CNTF: variants seen among roughly 807,000 people sequenced by gnomAD.
The protein encoded by CNTF is Ciliary Neuronotrophic Factor.
In CNTF, 14 loss-of-function variants were observed where a neutral mutation model predicts 13.0. That is an observed-to-expected ratio of 1.07 (90% CI 0.71 to 1.68). CNTF has a LOEUF of 1.68. Ranked by LOEUF, CNTF falls within the 40% of genes most tolerant of loss-of-function variation. The pLI is 0.00. For synonymous variants in CNTF, 98 were observed against 92.4 expected (o/e 1.06, Z -0.35); for missense variants, 283 against 252.5 (o/e 1.12, Z -0.82).
chr11:58,622,808 G>T lies in CNTF; in HGVS notation c.56G>T (p.Arg19Leu), dbSNP rs149242903. The stretch of plus-strand genomic sequence containing the variant: ...CCTCACCGTCGGGACCTCTGTAGCC[G>T]CTCTATCTGGCTAGCAAGGAAGATT... Reference protein sequence around the residue: ...LTPHRRDLCSRSIWLARKIRS... With the variant: ...LTPHRRDLCSLSIWLARKIRS... Residue 19 changes from arginine (R) to leucine (L), a missense_variant, in exon 1 of 2, where the codon CGC becomes CTC. Coordinates refer to ENST00000361987, the MANE Select transcript of CNTF (RefSeq NM_000614.4). The T allele has an allele frequency of 1.3e-5, 21 of 1,613,838 alleles. No individual in the cohort carries two copies. The African/African-American group carries it at 1.5e-4, about 11-fold the overall frequency.
chr11:58,624,138 C>A lies in CNTF; in HGVS notation c.219C>A (p.Leu73=), dbSNP rs141610986. The change falls in exon 2 of 2, where the codon CTC becomes CTA. Residue 73 remains leucine, a synonymous_variant. Coordinates refer to ENST00000361987, the MANE Select transcript of CNTF (RefSeq NM_000614.4). ...GTGAGCTGACCGAGGCAGAGCGACTCCAAGAGAACCTTCAAGCTTATCGTA... is the reference window on the plus strand; with the variant it reads ...GTGAGCTGACCGAGGCAGAGCGACTACAAGAGAACCTTCAAGCTTATCGTA... ...QWSELTEAER[L]QENLQAYRTF... The A allele has an allele frequency of 3.7e-5, 59 of 1,613,576 alleles. 1 individual carries two copies. In the Middle Eastern group the frequency reaches 4.9e-4, roughly 13 times the overall value.
intron 1 of CNTF, 116 bp from the exon 2 acceptor site, chr11:58,623,918 T>C: frequency 2.1e-6 from 3 of 1,413,132 alleles, no homozygotes; most frequent in Middle Eastern, 2.6e-4. Flanking sequence ...TTATTTACTT[T>C]ACAACTTGGA....
chr11:58,624,152 A>T lies in CNTF; in HGVS notation c.233A>T (p.Gln78Leu), dbSNP rs780938404. Residue 78 changes from glutamine (Q) to leucine (L), a missense_variant, in exon 2 of 2, where the codon CAA becomes CTA. By Grantham distance (113) the Gln-to-Leu change is moderately radical. Coordinates refer to ENST00000361987, the MANE Select transcript of CNTF (RefSeq NM_000614.4). ...TEAERLQENL[Q>L]AYRTFHVLLA... The stretch of plus-strand genomic sequence containing the variant: ...GCAGAGCGACTCCAAGAGAACCTTC[A>T]AGCTTATCGTACCTTCCATGTTTTG... 30 of 1,613,888 alleles carry T rather than the reference A, an allele frequency of 1.9e-5. No individual in the cohort carries two copies. Among genetic ancestry groups the T allele is most frequent in the Non-Finnish European group, 2.5e-5 (30 of 1,179,972 alleles).
chr11:58,624,236 A>G lies in CNTF; in HGVS notation c.317A>G (p.His106Arg). The change falls in exon 2 of 2, where the codon CAT becomes CGT. Residue 106 changes from histidine to arginine, a missense_variant. By Grantham distance (29) the His-to-Arg change is conservative (BLOSUM62 0). Transcript: ENST00000361987. ...TTTACCCCAACCGAAGGTGACTTCC[A>G]TCAAGCTATACATACCCTTCTTCTC... is the stretch of plus-strand genomic sequence containing the variant. Reference protein sequence around the residue: ...VHFTPTEGDFHQAIHTLLLQV... With the variant: ...VHFTPTEGDFRQAIHTLLLQV... The G allele has an allele frequency of 1.9e-6, 3 of 1,614,034 alleles. No homozygotes were observed. The highest frequency in any genetic ancestry group is 2.5e-6 in the Non-Finnish European group (3 of 1,179,978).
rs765417661 is a variant in CNTF, at chr11:58,624,387, G to A, written c.468G>A (p.Leu156=). 6.2e-7 allele frequency: 1 copy of A among 1,614,064 alleles called. No individual in the cohort carries two copies. Among genetic ancestry groups the A allele is most frequent in the Non-Finnish European group, 8.5e-7 (1 of 1,179,996 alleles). Reference sequence around the variant, plus strand: ...ATGGTGGTCTCTTTGAGAAGAAGCTGTGGGGCCTAAAGGTGCTGCAGGAGC... The same window carrying A: ...ATGGTGGTCTCTTTGAGAAGAAGCTATGGGGCCTAAAGGTGCTGCAGGAGC... The part of the protein sequence containing the change: ...VGDGGLFEKK[L]WGLKVLQELS... The change falls in exon 2 of 2, where the codon CTG becomes CTA. Residue 156 remains leucine (L), a synonymous_variant. Coordinates refer to ENST00000361987, the MANE Select transcript of CNTF (RefSeq NM_000614.4).
Position 58,624,641 on chromosome 11 carries a change from C to A in CNTF, c.*119C>A, listed in dbSNP as rs1347345611. ...AGTTAAGACAACAGGCATTTTCTTTCTTTTTTCTCTGACCACCTGCAGCCT... is the reference window on the plus strand; with the variant it reads ...AGTTAAGACAACAGGCATTTTCTTTATTTTTTCTCTGACCACCTGCAGCCT... On this transcript the variant is annotated 3_prime_UTR_variant, in exon 2 of 2. Transcript: ENST00000361987. 5.6e-6 allele frequency: 7 copies of A among 1,259,560 alleles called. No homozygotes were observed. The highest frequency in any genetic ancestry group is 2.0e-5 in the Admixed American group (1 of 51,228). 78.0% of individuals were successfully genotyped at this position (1,259,560 alleles called of 1,614,324 possible).
At position 58,624,124 on chromosome 11, in the gene CNTF, G is replaced by A. The variant is rs771067047; in HGVS notation, c.205G>A (p.Glu69Lys). The change falls in exon 2 of 2, where the codon GAG becomes AAG. Residue 69 changes from glutamate (E) to lysine (K), a missense_variant. Physicochemically the swap from Glu to Lys is moderately conservative, Grantham distance 56. Coordinates refer to ENST00000361987, the MANE Select transcript of CNTF (RefSeq NM_000614.4). ...ASTDQWSELT[E>K]AERLQENLQA... The stretch of plus-strand genomic sequence containing the variant: ...CACTGATCAGTGGAGTGAGCTGACC[G>A]AGGCAGAGCGACTCCAAGAGAACCT... 60 of 1,613,076 alleles carry A rather than the reference G, an allele frequency of 3.7e-5. No individual in the cohort carries two copies. Among genetic ancestry groups the A allele is most frequent in the East Asian group, 8.9e-5 (4 of 44,890 alleles).
intron 1 of CNTF, 112 bp from the exon 2 acceptor site, chr11:58,623,922 A>T: frequency 7.0e-7 from 1 of 1,434,562 alleles, no homozygotes; most frequent in Non-Finnish European, 9.4e-7. Context: ...TTACTTTACA[A>T]CTTGGATCCT....
rs1855912652 is a variant in CNTF at position 58,625,086 on chromosome 11, C to G, written c.*564C>G. 1 of 153,186 alleles carries G rather than the reference C, an allele frequency of 6.5e-6. No individual in the cohort carries two copies. 9.5% of individuals were successfully genotyped at this position (153,186 alleles called of 1,614,324 possible). A position where few individuals can be genotyped will look rare whatever the true frequency, so the allele number is the denominator to read the frequency against. On this transcript the variant is annotated 3_prime_UTR_variant, in exon 2 of 2. Coordinates refer to ENST00000361987, the MANE Select transcript of CNTF (RefSeq NM_000614.4). Reference sequence around the variant, plus strand: ...CCTTGTGAGCAAGGTGGTGTTACTCCCATTAGGTAGATGAGAAAACAGGCT... The same window carrying G: ...CCTTGTGAGCAAGGTGGTGTTACTCGCATTAGGTAGATGAGAAAACAGGCT...
Position 58,625,033 on chromosome 11 carries a change from TTATGTA to T in CNTF, c.*515_*520del, listed in dbSNP as rs1422105104. On this transcript the variant is annotated 3_prime_UTR_variant, in exon 2 of 2. Transcript: ENST00000361987. ...TATTAAGGCAGTATGCCAAGGGTCTTTATGTATATTATGTACAGCGTTTACAACCTT... is the reference window on the plus strand; with the variant it reads ...TATTAAGGCAGTATGCCAAGGGTCTTTATTATGTACAGCGTTTACAACCTT... The T allele has an allele frequency of 1.2e-5, 2 of 161,866 alleles. No homozygotes were observed. The highest frequency in any genetic ancestry group is 1.8e-4 in the East Asian group (1 of 5,550). The allele number at this position is 161,866 out of a possible 1,614,324, so 10.0% of individuals were successfully genotyped here.
chr11:58,624,305 TCCTGGAATACAAGATCC>T lies in CNTF; in HGVS notation c.389_405del (p.Leu130ProfsTer3). The T allele has an allele frequency of 6.2e-7, 1 of 1,613,794 alleles. No homozygotes were observed. Among genetic ancestry groups the T allele is most frequent in the Non-Finnish European group, 8.5e-7 (1 of 1,179,960 alleles). ...TACCAGATAGAGGAGTTAATGATAC[TCCTGGAATACAAGATCC>T]CCCGCAATGAGGCTGATGGGATGCC... On this transcript the variant is annotated frameshift_variant, in exon 2 of 2. Coordinates refer to ENST00000361987, the MANE Select transcript of CNTF (RefSeq NM_000614.4). LOFTEE classifies it high-confidence loss of function.
At position 58,624,268 on chromosome 11, in the gene CNTF, G is replaced by A. The variant is rs769358979; in HGVS notation, c.349G>A (p.Ala117Thr). Residue 117 changes from alanine (A) to threonine (T), a missense_variant, in exon 2 of 2, where the codon GCT (alanine) becomes ACT (threonine). Coordinates refer to ENST00000361987, the MANE Select transcript of CNTF (RefSeq NM_000614.4). ...QAIHTLLLQVAAFAYQIEELM... is the reference protein window; with the variant it reads ...QAIHTLLLQVTAFAYQIEELM... Reference sequence around the variant, plus strand: ...TATACATACCCTTCTTCTCCAAGTCGCTGCCTTTGCATACCAGATAGAGGA... The same window carrying A: ...TATACATACCCTTCTTCTCCAAGTCACTGCCTTTGCATACCAGATAGAGGA... 1.4e-5 allele frequency: 23 copies of A among 1,613,814 alleles called. No individual in the cohort carries two copies. Among genetic ancestry groups the A allele is most frequent in the East Asian group, 2.2e-5 (1 of 44,870 alleles).
chr11:58,625,455 G>A lies in CNTF; in HGVS notation c.*933G>A, dbSNP rs192771920. On this transcript the variant is annotated 3_prime_UTR_variant, in exon 2 of 2. Transcript: ENST00000361987. The stretch of plus-strand genomic sequence containing the variant: ...CTTCTGAACTTTGGAAGCTGGGGAT[G>A]TTTAGTAATACAGCCTGGTTTTTAA... 6.6e-6 allele frequency: 1 copy of A among 152,264 alleles called. No homozygotes were observed. The highest frequency in any genetic ancestry group is 1.9e-4 in the East Asian group (1 of 5,190). The allele number at this position is 152,264 out of a possible 1,614,324, so 9.4% of individuals were successfully genotyped here.
chr11:58,623,592 C>G (rs936870863), intron 1 of CNTF, among the ~76,000 whole-genome samples: 11 of 152,208 alleles, frequency 7.2e-5, no homozygotes, highest in African/African-American at 2.7e-4. Context: ...AGAAATCAGA[C>G]TCTTTGGGAG....
Position 58,624,310 on chromosome 11 carries a change from G to C in CNTF, c.391G>C (p.Glu131Gln). 2 of 1,613,760 alleles carry C rather than the reference G, an allele frequency of 1.2e-6. No individual in the cohort carries two copies. Among genetic ancestry groups the C allele is most frequent in the Non-Finnish European group, 1.7e-6 (2 of 1,179,962 alleles). ...YQIEELMILL[E>Q]YKIPRNEADG... ...GATAGAGGAGTTAATGATACTCCTG[G>C]AATACAAGATCCCCCGCAATGAGGC... is the stretch of plus-strand genomic sequence containing the variant. The change falls in exon 2 of 2, where the codon GAA becomes CAA. Residue 131 changes from glutamate (E) to glutamine (Q), a missense_variant. Glu to Gln is a conservative substitution (Grantham distance 29). Coordinates refer to ENST00000361987, the MANE Select transcript of CNTF (RefSeq NM_000614.4).
chr11:58,623,877 G>T (rs1221221529), intron 1 of CNTF, among the ~76,000 whole-genome samples, 157 bp from the exon 2 acceptor site: 2 of 152,124 alleles, frequency 1.3e-5, no homozygotes, highest in Admixed American at 6.5e-5. Context: ...CAGTCATAGA[G>T]CCCAAATTAA....
At chr11:58,622,929 A>G (rs1855874068) in intron 1 of CNTF, 63 bp downstream of exon 1, 4 of 1,104,674 alleles carry the variant, frequency 3.6e-6, no homozygotes, top group South Asian at 1.3e-5. Flanking sequence ...GCAACTTACC[A>G]TCACGCATCA....
In CNTF at chr11:58,624,075, T is replaced by C. The variant is rs759323153; in HGVS notation, c.156T>C (p.Ser52=). ...QGLNKNINLD[S]ADGMPVASTD... is the part of the protein sequence containing the mutation. ...TGAACAAGAACATCAACCTGGACTC[T>C]GCGGATGGGATGCCAGTGGCAAGCA... Residue 52 remains serine (S), a synonymous_variant, in exon 2 of 2, where the codon TCT becomes TCC. Transcript: ENST00000361987. 3 of 1,611,658 alleles carry C rather than the reference T, an allele frequency of 1.9e-6. No individual in the cohort carries two copies. The highest frequency in any genetic ancestry group is 2.5e-6 in the Non-Finnish European group (3 of 1,178,784).
Position 58,624,303 on chromosome 11 carries a change from A to G in CNTF, c.384A>G (p.Ile128Met). The G allele has an allele frequency of 6.2e-7, 1 of 1,613,448 alleles. No individual in the cohort carries two copies. The highest frequency in any genetic ancestry group is 1.1e-5 in the South Asian group (1 of 91,018). Residue 128 changes from isoleucine (I) to methionine (M), a missense_variant, in exon 2 of 2, where the codon ATA (isoleucine) becomes ATG (methionine). Physicochemically the swap from Ile to Met is conservative, Grantham distance 10. Coordinates refer to ENST00000361987, the MANE Select transcript of CNTF (RefSeq NM_000614.4). ...AFAYQIEELM[I>M]LLEYKIPRNE... Reference sequence around the variant, plus strand: ...CATACCAGATAGAGGAGTTAATGATACTCCTGGAATACAAGATCCCCCGCA... The same window carrying G: ...CATACCAGATAGAGGAGTTAATGATGCTCCTGGAATACAAGATCCCCCGCA...
Sources: gnomAD v4.1 joint callset for allele counts (sites outside exome capture counted in the v4.1 genomes callset) on GRCh38, gnomAD v4.1.1 for gene constraint, MANE v1.5 for transcripts, NCBI Gene and HGNC (gene_info 2026-07-23, HGNC 2026-07-21) for gene names.